The following ARL6IP6 variants were observed in gnomAD, a reference collection of about 807,000 sequenced individuals.
The protein encoded by ARL6IP6 is ADP-ribosylation factor-like protein 6-interacting protein 6.
A neutral mutation model predicts 21.5 loss-of-function variants in ARL6IP6; 22 were observed. The ratio of observed to expected loss-of-function variants is 1.02; its 90% CI spans 0.73 to 1.46. The LOEUF is 1.46. Among genes scored for constraint, ARL6IP6 ranks in the 40% most tolerant of loss-of-function variants. The pLI, the probability that ARL6IP6 is intolerant of heterozygous loss-of-function variation, is 0.00. For synonymous variants in ARL6IP6, 164 were observed against 125.3 expected (o/e 1.31, Z -2.06); for missense variants, 388 against 299.8 (o/e 1.29, Z -2.17).
chr2:152,747,400 T>C (rs573441752), intron 3 of ARL6IP6, among the ~76,000 whole-genome samples: 5 of 152,172 alleles, frequency 3.3e-5, no homozygotes, highest in Non-Finnish European at 7.3e-5. Flanking sequence ...AAATCCCTCA[T>C]ACTCAATTTT....
intron 3 of ARL6IP6, among the ~76,000 whole-genome samples, chr2:152,743,659 A>G (rs1037423331): frequency 6.6e-6 from 1 of 152,170 alleles, no homozygotes; most frequent in African/African-American, 2.4e-5. Context: ...TATGCTAAAG[A>G]TATCCATAGA....
rs180930394 is a variant in ARL6IP6, at chr2:152,749,948, G to A, written c.588-9799G>A. On this transcript the variant is annotated intron_variant, in intron 3 of 3. Coordinates refer to ENST00000326446, the MANE Select transcript of ARL6IP6 (RefSeq NM_152522.7). ...ATTCTTTCATATGGTCAAATGAAGA[G>A]TCACATCTTAACAATGTTGATTTAG... 4.6e-5 allele frequency among the ~76,000 whole-genome samples: 7 copies of A among 152,290 alleles called. No individual in the cohort carries two copies. The East Asian group carries it at 1.4e-3, about 29-fold the overall frequency.
At chr2:152,727,989 G>A (rs150757576) in intron 2 of ARL6IP6, among the ~76,000 whole-genome samples, 2 of 152,134 alleles carry the variant, frequency 1.3e-5, no homozygotes, top group South Asian at 2.1e-4. Context: ...GGCTTTCACC[G>A]ATCTACCTGT....
intron 2 of ARL6IP6, among the ~76,000 whole-genome samples, chr2:152,725,501 T>C (rs910255756): frequency 5.9e-5 from 9 of 152,206 alleles, no homozygotes; most frequent in Non-Finnish European, 1.0e-4. Flanking sequence ...AAAAGAATTA[T>C]TGGGTTGACC....
At chr2:152,736,044 A>G (rs1294589028) in intron 3 of ARL6IP6, among the ~76,000 whole-genome samples, 1 of 152,086 alleles carries the variant, frequency 6.6e-6, no homozygotes, top group South Asian at 2.1e-4. Flanking sequence ...GAATTTGTAT[A>G]TATGTGTATT....
At chr2:152,717,963 C>G (rs879549708), upstream of ARL6IP6, 1 of 1,005,708 alleles carries the variant, frequency 9.9e-7, no homozygotes, top group Non-Finnish European at 1.2e-6. Context: ...AGGAGGGGTT[C>G]GGAGGAGAGG....
rs61506535 is a variant in ARL6IP6 at position 152,746,821 on chromosome 2, C to CTTTTTTTTTTTTTTTTTTT, written c.587+11701_587+11719dup. ...TATTTATCCTGAGATTTTATCCTTT[C>CTTTTTTTTTTTTTTTTTTT]TTTTTTTTTTTTTTTTTTTTTTTTG... On this transcript the variant is annotated intron_variant, in intron 3 of 3. Transcript: ENST00000326446. Among the ~76,000 whole-genome samples, 5 of 33,082 alleles carry CTTTTTTTTTTTTTTTTTTT rather than the reference C, an allele frequency of 1.5e-4. 1 individual carries two copies. Among genetic ancestry groups the CTTTTTTTTTTTTTTTTTTT allele is most frequent in the African/African-American group, 4.1e-4 (3 of 7,230 alleles). The allele number at this position is 33,082 out of a possible 152,430, so 21.7% of individuals were successfully genotyped here. A position where few individuals can be genotyped will look rare whatever the true frequency, so the allele number is the denominator to read the frequency against.
Position 152,720,568 on chromosome 2 carries a change from G to A in ARL6IP6, c.436G>A (p.Val146Ile), listed in dbSNP as rs766218992. The change falls in exon 2 of 4, where the codon GTA (valine) becomes ATA (isoleucine). Residue 146 changes from valine (V) to isoleucine (I), a missense_variant. By Grantham distance (29) the Val-to-Ile change is conservative (BLOSUM62 3). Coordinates refer to ENST00000326446, the MANE Select transcript of ARL6IP6 (RefSeq NM_152522.7). Reference protein sequence around the residue: ...HAENLKNEDDVDTGLLGFWTL... With the variant: ...HAENLKNEDDIDTGLLGFWTL... ...TGAGAATTTGAAAAATGAAGATGATGTAGACACTGGACTATTAGGTATGGA... is the reference window on the plus strand; with the variant it reads ...TGAGAATTTGAAAAATGAAGATGATATAGACACTGGACTATTAGGTATGGA... The A allele has an allele frequency of 6.2e-7, 1 of 1,614,004 alleles. No individual in the cohort carries two copies. The highest frequency in any genetic ancestry group is 1.1e-5 in the South Asian group (1 of 91,078).
intron 2 of ARL6IP6, among the ~76,000 whole-genome samples, chr2:152,733,646 A>AT (rs1484611345): frequency 6.6e-6 from 1 of 152,036 alleles, no homozygotes; most frequent in Non-Finnish European, 1.5e-5. Flanking sequence ...ACTAGTCTCT[A>AT]TTTTTGCTTA....
At chr2:152,727,340 G>A (rs1700093019) in intron 2 of ARL6IP6, among the ~76,000 whole-genome samples, 1 of 152,162 alleles carries the variant, frequency 6.6e-6, no homozygotes, top group South Asian at 2.1e-4. Flanking sequence ...GTTTTAAACT[G>A]TTAGTAGAAA....
In ARL6IP6 at chr2:152,756,009, T is replaced by G. The variant is rs182652150; in HGVS notation, c.588-3738T>G. Among the ~76,000 whole-genome samples, 11 of 152,362 alleles carry G rather than the reference T, an allele frequency of 7.2e-5. No individual in the cohort carries two copies. The East Asian group carries it at 1.4e-3, about 19-fold the overall frequency. On this transcript the variant is annotated intron_variant, in intron 3 of 3. Transcript: ENST00000326446. ...TTAGTAGACTCTATCAGATATAAGA[T>G]TTGCAAATATTTACCTCCATTTTAT...
chr2:152,740,850 T>C (rs1700775196), intron 3 of ARL6IP6, among the ~76,000 whole-genome samples: 1 of 152,034 alleles, frequency 6.6e-6, no homozygotes, highest in Non-Finnish European at 1.5e-5. Context: ...CACACACAAA[T>C]ACAAATGAAG....
intron 3 of ARL6IP6, among the ~76,000 whole-genome samples, chr2:152,746,191 T>G (rs776858593): frequency 3.3e-5 from 5 of 151,952 alleles, no homozygotes; most frequent in Non-Finnish European, 7.4e-5. Context: ...CTAATCTGGC[T>G]AATTTTTGTA....
Position 152,718,687 on chromosome 2 carries a change from C to G in ARL6IP6, c.63C>G (p.Gly21=). The G allele has an allele frequency of 6.3e-7, 1 of 1,592,172 alleles. No homozygotes were observed. The highest frequency in any genetic ancestry group is 1.1e-5 in the South Asian group (1 of 88,428). ...GGCGCCGCGGTCCCGGCACCCCGGG[C>G]CCTGTGGCTCGGCCATCGTATTCCT... ...ALRRRGPGTP[G]PVARPSYSSF... Residue 21 remains glycine (G), a synonymous_variant, in exon 1 of 4, where the codon GGC becomes GGG. Transcript: ENST00000326446.
At chr2:152,751,200 CTTTTTT>C (rs58660367) in intron 3 of ARL6IP6, among the ~76,000 whole-genome samples, 19,444 of 151,460 alleles carry the variant, frequency 0.13, 1,507 homozygotes, top group Middle Eastern at 0.24. Context: ...CCACGTTTGA[CTTTTTT>C]TTTATTTTTA....
In ARL6IP6 at chr2:152,759,797, A is replaced by G. The variant is rs1174150490; in HGVS notation, c.638A>G (p.Asn213Ser). 8 of 1,613,570 alleles carry G rather than the reference A, an allele frequency of 5.0e-6. No homozygotes were observed. The highest frequency in any genetic ancestry group is 1.7e-5 in the Admixed American group (1 of 60,000). ...FHMGYSMAIL[N>S]GIVAALTVAW... ...ATGGGCTATAGCATGGCGATTTTGA[A>G]TGGCATCGTAGCTGCTCTTACTGTA... is the stretch of plus-strand genomic sequence containing the variant. The change falls in exon 4 of 4, where the codon AAT becomes AGT. Residue 213 changes from asparagine to serine, a missense_variant. By Grantham distance (46) the Asn-to-Ser change is conservative. Coordinates refer to ENST00000326446, the MANE Select transcript of ARL6IP6 (RefSeq NM_152522.7).
chr2:152,720,432 C>G, intron 1 of ARL6IP6, 101 bp from the exon 2 acceptor site: 1 of 1,158,734 alleles, frequency 8.6e-7, no homozygotes, highest in Non-Finnish European at 1.3e-6. Context: ...CTTTGTGACT[C>G]CAGAGCACTT....
At chr2:152,749,336 C>CAT (rs1553533297) in intron 3 of ARL6IP6, among the ~76,000 whole-genome samples, 10 of 149,332 alleles carry the variant, frequency 6.7e-5, no homozygotes, top group Non-Finnish European at 1.3e-4. Context: ...CACACACACA[C>CAT]GCACGCACGC....
At chr2:152,745,798 C>T (rs535637988) in intron 3 of ARL6IP6, among the ~76,000 whole-genome samples, 7 of 152,154 alleles carry the variant, frequency 4.6e-5, no homozygotes, top group Non-Finnish European at 1.0e-4. Flanking sequence ...AGTGCTGTCA[C>T]TATTAATGAA....
Sources: gnomAD v4.1 joint callset for allele counts (sites outside exome capture counted in the v4.1 genomes callset) on GRCh38, gnomAD v4.1.1 for gene constraint, MANE v1.5 for transcripts, NCBI Gene and HGNC (gene_info 2026-07-23, HGNC 2026-07-21) for gene names.